The following KCTD8 variants were observed in gnomAD, a reference collection of about 807,000 sequenced individuals.
The protein encoded by KCTD8 is potassium channel tetramerization domain containing 8.
A neutral mutation model predicts 31.5 loss-of-function variants in KCTD8; 27 were observed. The observed-to-expected ratio is 0.86, with a 90% CI of 0.63 to 1.18. The LOEUF (loss-of-function observed/expected upper bound fraction) is 1.18. Ranked by LOEUF, KCTD8 falls within the 50% of genes most tolerant of loss-of-function variation. The pLI is 0.00. For synonymous variants in KCTD8, 290 were observed against 280.0 expected (o/e 1.04, Z -0.36); for missense variants, 658 against 647.7 (o/e 1.02, Z -0.17).
intron 1 of KCTD8, among the ~76,000 whole-genome samples, chr4:44,424,133 T>C (rs955282575): frequency 6.6e-6 from 1 of 152,078 alleles, no homozygotes; most frequent in Non-Finnish European, 1.5e-5. Flanking sequence ...ATCATGAATA[T>C]CATTGTGTAA....
rs181327523 is a variant in KCTD8, at chr4:44,180,469, T to A, written c.962-5219A>T. 8.5e-5 allele frequency among the ~76,000 whole-genome samples: 13 copies of A among 152,296 alleles called. No homozygotes were observed. The East Asian group carries it at 2.3e-3, about 27-fold the overall frequency. On this transcript the variant is annotated intron_variant, in intron 1 of 1. Transcript: ENST00000360029. The stretch of plus-strand genomic sequence containing the variant: ...AACTAGGATATCCATCCAGGAATGC[T>A]CCATCCATTGAGCATTTGTAAATGG...
chr4:44,188,108 C>T (rs1713644938), intron 1 of KCTD8, among the ~76,000 whole-genome samples: 1 of 152,074 alleles, frequency 6.6e-6, no homozygotes, highest in East Asian at 1.9e-4. Flanking sequence ...TGGATCTCTT[C>T]AGATCTTAAG....
chr4:44,420,075 C>T (rs1256796401), intron 1 of KCTD8, among the ~76,000 whole-genome samples: 1 of 150,852 alleles, frequency 6.6e-6, no homozygotes, highest in Non-Finnish European at 1.5e-5. Flanking sequence ...TTTAATACTA[C>T]ACAAAATCAA....
At chr4:44,298,231 C>T (rs3963342) in intron 1 of KCTD8, among the ~76,000 whole-genome samples, 101,509 of 152,008 alleles carry the variant, frequency 0.67, 33,918 homozygotes, top group East Asian at 0.71. Flanking sequence ...ACTTCCCAGA[C>T]ATACTGAGGC....
At chr4:44,394,234 A>G (rs993152042) in intron 1 of KCTD8, among the ~76,000 whole-genome samples, 1 of 152,074 alleles carries the variant, frequency 6.6e-6, no homozygotes, top group Non-Finnish European at 1.5e-5. Flanking sequence ...CCATCGCCTC[A>G]GTTAAGGGGA....
chr4:44,277,347 A>C (rs1201381214), intron 1 of KCTD8, among the ~76,000 whole-genome samples: 5 of 151,908 alleles, frequency 3.3e-5, no homozygotes, highest in Non-Finnish European at 7.4e-5. Context: ...AAATCTTTTA[A>C]TTTTGTTTAA....
chr4:44,207,682 T>C (rs1417192052), intron 1 of KCTD8, among the ~76,000 whole-genome samples: 3 of 152,196 alleles, frequency 2.0e-5, no homozygotes, highest in African/African-American at 7.2e-5. Context: ...TAAACAAACA[T>C]GTATCTCCTT....
intron 1 of KCTD8, among the ~76,000 whole-genome samples, chr4:44,180,844 G>T (rs1448163514): frequency 6.6e-6 from 1 of 152,084 alleles, no homozygotes; most frequent in African/African-American, 2.4e-5. Context: ...AATAGGAGGA[G>T]ATTTTCCAAG....
chr4:44,388,245 T>C (rs964840664), intron 1 of KCTD8, among the ~76,000 whole-genome samples: 13 of 151,964 alleles, frequency 8.6e-5, no homozygotes, highest in African/African-American at 3.1e-4. Flanking sequence ...GGAATGCTTA[T>C]ACACTGGTGA....
intron 1 of KCTD8, among the ~76,000 whole-genome samples, chr4:44,265,446 A>C (rs529809666): frequency 2.0e-4 from 31 of 152,248 alleles, no homozygotes; most frequent in African/African-American, 7.2e-4. Flanking sequence ...ATGGGGAAAA[A>C]ACAGAGCAGA....
chr4:44,319,504 G>A (rs1014942276), intron 1 of KCTD8, among the ~76,000 whole-genome samples: 1 of 151,514 alleles, frequency 6.6e-6, no homozygotes, highest in Non-Finnish European at 1.5e-5. Flanking sequence ...TACGGAGTGA[G>A]AGAAAAGAAG....
intron 1 of KCTD8, among the ~76,000 whole-genome samples, chr4:44,193,238 C>T (rs1035579460): frequency 1.3e-5 from 2 of 152,076 alleles, no homozygotes; most frequent in African/African-American, 2.4e-5. Context: ...ATGCTTTATA[C>T]ATAGCATCTC....
intron 1 of KCTD8, among the ~76,000 whole-genome samples, chr4:44,233,980 T>C (rs1470675718): frequency 1.3e-5 from 2 of 152,176 alleles, no homozygotes; most frequent in Non-Finnish European, 2.9e-5. Flanking sequence ...TTCTCTTCTG[T>C]AAAAGGAGGT....
chr4:44,351,475 A>G (rs1719193939), intron 1 of KCTD8, among the ~76,000 whole-genome samples: 1 of 152,128 alleles, frequency 6.6e-6, no homozygotes, highest in African/African-American at 2.4e-5. Context: ...AGAAAAACAA[A>G]TAACACAAAT....
chr4:44,263,880 A>C (rs534861527), intron 1 of KCTD8, among the ~76,000 whole-genome samples: 1 of 152,294 alleles, frequency 6.6e-6, no homozygotes, highest in East Asian at 1.9e-4. Flanking sequence ...AAAGCTCTCC[A>C]TGTTGTTCCT....
intron 1 of KCTD8, among the ~76,000 whole-genome samples, chr4:44,434,423 G>A (rs544403362): frequency 3.9e-5 from 6 of 151,974 alleles, no homozygotes; most frequent in Non-Finnish European, 5.9e-5. Context: ...GGAAACCAAA[G>A]TACAGAGTAA....
chr4:44,387,611 G>T (rs1577649317), intron 1 of KCTD8, among the ~76,000 whole-genome samples: 1 of 151,766 alleles, frequency 6.6e-6, no homozygotes, highest in Non-Finnish European at 1.5e-5. Flanking sequence ...ACAAAAACAA[G>T]CAATGAGGAA....
chr4:44,403,515 T>C (rs185519500), intron 1 of KCTD8, among the ~76,000 whole-genome samples: 9 of 152,076 alleles, frequency 5.9e-5, no homozygotes, highest in African/African-American at 2.2e-4. Context: ...AAAACCAAGA[T>C]GTCAGGAGGT....
chr4:44,301,537 ATCC>A (rs1577602819), intron 1 of KCTD8, among the ~76,000 whole-genome samples: 1 of 152,082 alleles, frequency 6.6e-6, no homozygotes, highest in African/African-American at 2.4e-5. Context: ...GTCTGTTCAT[ATCC>A]TTTGCCCACT....
Sources: gnomAD v4.1 joint callset for allele counts (sites outside exome capture counted in the v4.1 genomes callset) on GRCh38, gnomAD v4.1.1 for gene constraint, MANE v1.5 for transcripts, NCBI Gene and HGNC (gene_info 2026-07-23, HGNC 2026-07-21) for gene names.